LRRC37A3: variants seen among roughly 807,000 people sequenced by gnomAD.
LRRC37A3 encodes the protein leucine-rich repeat-containing protein 37A3.
In LRRC37A3, 25 loss-of-function variants were observed where a neutral mutation model predicts 106.2. The observed-to-expected ratio is 0.24, with a 90% CI of 0.17 to 0.33. The LOEUF is 0.33. Ranked by LOEUF, LRRC37A3 falls within the 10% of genes least tolerant of loss-of-function variation. The pLI is 1.00. For missense variants in LRRC37A3, 712 were observed against 1,644.9 expected (o/e 0.43, Z 9.81); for synonymous variants, 305 against 635.8 (o/e 0.48, Z 7.83).
Position 64,860,094 on chromosome 17 carries a change from A to T in LRRC37A3, c.4052T>A (p.Ile1351Lys), listed in dbSNP as rs1434294159. The T allele has an allele frequency of 1.2e-6, 2 of 1,613,858 alleles. No individual in the cohort carries two copies. Among genetic ancestry groups the T allele is most frequent in the Non-Finnish European group, 1.7e-6 (2 of 1,179,880 alleles). ...RLPFSAAKSLINSPSQGAFSS... is the reference protein window; with the variant it reads ...RLPFSAAKSLKNSPSQGAFSS... ...AAAAGCCCCTTGTGAAGGGGAATTT[A>T]TGAGGCTCTTCGCTGCAGAGAACGG... The change falls in exon 12 of 15, where the codon ATA (isoleucine) becomes AAA (lysine). Residue 1351 changes from isoleucine to lysine, a missense_variant. Transcript: ENST00000584306.
intron 2 of LRRC37A3, among the ~76,000 whole-genome samples, chr17:64,913,361 A>T (rs3106152): frequency 7.7e-6 from 1 of 129,218 alleles, no homozygotes; most frequent in East Asian, 2.2e-4. Flanking sequence ...TTTCTTTTGA[A>T]ATGGAGTCTT....
chr17:64,863,978 T>TG (rs1360169000), intron 10 of LRRC37A3, among the ~76,000 whole-genome samples: 6 of 150,522 alleles, frequency 4.0e-5, no homozygotes, highest in Admixed American at 4.0e-4. Flanking sequence ...CTAATTTTTT[T>TG]TTTTTTTTTT....
At chr17:64,916,724 TGCAG>T (rs1349097151) in intron 2 of LRRC37A3, among the ~76,000 whole-genome samples, 3 of 149,210 alleles carry the variant, frequency 2.0e-5, no homozygotes, top group Non-Finnish European at 4.4e-5. Context: ...AGGTGGCGGC[TGCAG>T]TGAGTGGTGA....
At position 64,890,222 on chromosome 17, in the gene LRRC37A3, TA is replaced by T. The variant is rs1973916115; in HGVS notation, c.2682-471del. Among the ~76,000 whole-genome samples, 3 of 140,308 alleles carry T rather than the reference TA, an allele frequency of 2.1e-5. 1 individual carries two copies. The highest frequency in any genetic ancestry group is 9.9e-5 in the African/African-American group (3 of 30,294). The allele number at this position is 140,308 out of a possible 152,430, so 92.0% of individuals were successfully genotyped here. A position where few individuals can be genotyped will look rare whatever the true frequency, so the allele number is the denominator to read the frequency against. ...TAATGTGCATAAAGTGCACATAACATAAATGTTGTTTATTTAATTTAATTTA... is the reference window on the plus strand; with the variant it reads ...TAATGTGCATAAAGTGCACATAACATAATGTTGTTTATTTAATTTAATTTA... On this transcript the variant is annotated intron_variant, in intron 5 of 14. Coordinates refer to ENST00000584306, the MANE Select transcript of LRRC37A3 (RefSeq NM_199340.5).
At chr17:64,854,757 T>C (rs1305531713) in intron 14 of LRRC37A3, 113 bp from the exon 15 acceptor site, 1 of 1,611,734 alleles carries the variant, frequency 6.2e-7, no homozygotes, top group African/African-American at 1.3e-5. Flanking sequence ...TTACCCAGGG[T>C]CCCTGTTGAG....
intron 8 of LRRC37A3, among the ~76,000 whole-genome samples, chr17:64,870,636 AG>A (rs1973279945): frequency 6.6e-6 from 1 of 152,180 alleles, no homozygotes; most frequent in Non-Finnish European, 1.5e-5. Flanking sequence ...AGGCACAGAG[AG>A]GTTATATAAC....
intron 11 of LRRC37A3, 33 bp downstream of exon 11, chr17:64,862,867 G>A (rs771338968): frequency 3.8e-6 from 6 of 1,597,790 alleles, no homozygotes; most frequent in South Asian, 1.1e-5. Flanking sequence ...AATACTTAAT[G>A]TAACAATTTA....
intron 2 of LRRC37A3, among the ~76,000 whole-genome samples, chr17:64,899,398 C>A (rs1176044870): frequency 7.1e-6 from 1 of 141,506 alleles, no homozygotes; most frequent in Non-Finnish European, 1.5e-5. Flanking sequence ...CCAGCCTGGA[C>A]AACAGAGTGA....
At chr17:64,866,628 A>ATATATATAT (rs1491179388) in intron 10 of LRRC37A3, among the ~76,000 whole-genome samples, 7 of 17,870 alleles carry the variant, frequency 3.9e-4, no homozygotes, top group African/African-American at 5.3e-4. Flanking sequence ...ATATATATAT[A>ATATATATAT]TTTTTTTTTT....
At chr17:64,871,993 G>A (rs1236974492) in intron 8 of LRRC37A3, among the ~76,000 whole-genome samples, 9 of 151,442 alleles carry the variant, frequency 5.9e-5, no homozygotes, top group East Asian at 1.9e-4. Context: ...TTAGCTGGGC[G>A]TGGTGGCAGG....
chr17:64,900,082 C>T lies in LRRC37A3; in HGVS notation c.-495-1623G>A, dbSNP rs1035103999. On this transcript the variant is annotated intron_variant, in intron 2 of 14. Coordinates refer to ENST00000584306, the MANE Select transcript of LRRC37A3 (RefSeq NM_199340.5). ...AGAGTGTCTTGCTCTGTCACCCAGG[C>T]TGGAATGCAGTGGCATGATCTCGGC... is the stretch of plus-strand genomic sequence containing the variant. The T allele has an allele frequency of 1.3e-5, 2 of 150,284 alleles. 1 individual carries two copies. Among genetic ancestry groups the T allele is most frequent in the African/African-American group, 5.0e-5 (2 of 39,686 alleles). 9.3% of individuals were successfully genotyped at this position (150,284 alleles called of 1,614,324 possible).
intron 13 of LRRC37A3, among the ~76,000 whole-genome samples, chr17:64,857,403 T>C (rs1477308119): frequency 2.0e-5 from 3 of 152,176 alleles, no homozygotes; most frequent in African/African-American, 7.2e-5. Context: ...TGACATGAGA[T>C]AGCACGTTCC....
chr17:64,872,623 C>T (rs140937696), intron 8 of LRRC37A3, among the ~76,000 whole-genome samples: 1,902 of 152,114 alleles, frequency 0.013, 42 homozygotes, highest in African/African-American at 0.044. Flanking sequence ...CAACTGTATT[C>T]GGCAATGAAT....
chr17:64,890,503 C>T (rs1433078209), intron 5 of LRRC37A3, among the ~76,000 whole-genome samples: 4 of 116,654 alleles, frequency 3.4e-5, no homozygotes, highest in Non-Finnish European at 4.8e-5. Flanking sequence ...TAGGTAACCA[C>T]TATCCTGACC....
Position 64,918,766 on chromosome 17 carries a change from G to C in LRRC37A3, c.-512C>G, listed in dbSNP as rs1209449258. On this transcript the variant is annotated 5_prime_UTR_variant, in exon 2 of 15. Transcript: ENST00000584306. ...TACATATACCTGTGCCAGGTGCAGTGGCTCACGCCTATAATCCCAACACTT... is the reference window on the plus strand; with the variant it reads ...TACATATACCTGTGCCAGGTGCAGTCGCTCACGCCTATAATCCCAACACTT... 2.1e-6 allele frequency: 1 copy of C among 471,202 alleles called. No homozygotes were observed. The highest frequency in any genetic ancestry group is 3.8e-6 in the Non-Finnish European group (1 of 265,458). 29.2% of individuals were successfully genotyped at this position (471,202 alleles called of 1,614,324 possible). A position where few individuals can be genotyped will look rare whatever the true frequency, so the allele number is the denominator to read the frequency against.
intron 8 of LRRC37A3, among the ~76,000 whole-genome samples, chr17:64,880,901 C>G (rs1486704892): frequency 6.6e-6 from 1 of 152,016 alleles, no homozygotes; most frequent in Non-Finnish European, 1.5e-5. Flanking sequence ...GAAATTCTAA[C>G]AGCTCTAGCT....
At position 64,918,985 on chromosome 17, in the gene LRRC37A3, TC is replaced by T; in HGVS notation, c.-616-116del. ...TCCGGGCCAGGTGGCTGCCCCCGCCTCCCCCCGGCCGGGGCGCTGGTGCTGG... is the reference window on the plus strand; with the variant it reads ...TCCGGGCCAGGTGGCTGCCCCCGCCTCCCCCGGCCGGGGCGCTGGTGCTGG... On this transcript the variant is annotated intron_variant, in intron 1 of 14. Coordinates refer to ENST00000584306, the MANE Select transcript of LRRC37A3 (RefSeq NM_199340.5). 10 of 1,207,868 alleles carry T rather than the reference TC, an allele frequency of 8.3e-6. No individual in the cohort carries two copies. The East Asian group carries it at 1.3e-4, about 16-fold the overall frequency. The allele number at this position is 1,207,868 out of a possible 1,614,324, so 74.8% of individuals were successfully genotyped here.
intron 2 of LRRC37A3, among the ~76,000 whole-genome samples, chr17:64,910,637 CTTTTTTTT>C (rs926231139): frequency 6.2e-5 from 6 of 96,478 alleles, no homozygotes; most frequent in African/African-American, 2.6e-4. Flanking sequence ...ATTGTCCCCC[CTTTTTTTT>C]TTTTTTTTTT....
intron 13 of LRRC37A3, among the ~76,000 whole-genome samples, chr17:64,857,430 T>C (rs1972714297): frequency 6.6e-6 from 1 of 152,254 alleles, no homozygotes; most frequent in South Asian, 2.1e-4. Flanking sequence ...GTTGTACAGA[T>C]GTAAATTCTC....
Sources: allele counts gnomAD v4.1 joint callset (sites outside exome capture counted in the v4.1 genomes callset), GRCh38; gene constraint gnomAD v4.1.1; transcripts MANE v1.5; gene names NCBI Gene and HGNC (gene_info 2026-07-23, HGNC 2026-07-21).